The following HCRTR2 variants were observed in gnomAD, a reference collection of about 807,000 sequenced individuals.
HCRTR2 encodes hypocretin receptor 2.
HCRTR2 carries 22 observed loss-of-function variants against 49.0 expected under a neutral mutation model. The ratio of observed to expected loss-of-function variants is 0.45; its 90% CI spans 0.32 to 0.64. The LOEUF (loss-of-function observed/expected upper bound fraction) is 0.64. HCRTR2 is among the 30% of genes least tolerant of loss of function. The pLI is 0.04. For missense variants in HCRTR2, 491 were observed against 559.4 expected (o/e 0.88, Z 1.23); for synonymous variants, 236 against 205.3 (o/e 1.15, Z -1.28).
chr6:55,256,795 G>A (rs1209313207), intron 3 of HCRTR2, among the ~76,000 whole-genome samples: 1 of 152,058 alleles, frequency 6.6e-6, no homozygotes, highest in African/African-American at 2.4e-5. Flanking sequence ...TGAGAACTTA[G>A]TATATGTCAG....
intron 1 of HCRTR2, among the ~76,000 whole-genome samples, chr6:55,190,735 G>T (rs772546720): frequency 6.6e-6 from 1 of 152,038 alleles, no homozygotes; most frequent in Non-Finnish European, 1.5e-5. Context: ...ATCTTAAAAA[G>T]GATTACTTTG....
chr6:55,141,131 G>A (rs12199525), intron 1 of HCRTR2, among the ~76,000 whole-genome samples: 42,685 of 150,122 alleles, frequency 0.28, 6,760 homozygotes, highest in Non-Finnish European at 0.36. Flanking sequence ...TCAGGAGATC[G>A]AGACCATCCT....
At chr6:55,165,495 A>G (rs995773376) in intron 1 of HCRTR2, among the ~76,000 whole-genome samples, 3 of 152,002 alleles carry the variant, frequency 2.0e-5, no homozygotes, top group African/African-American at 7.2e-5. Context: ...AGACCTAAGT[A>G]TAAGAGCTAA....
intron 3 of HCRTR2, among the ~76,000 whole-genome samples, chr6:55,256,127 G>A (rs1178169274): frequency 6.6e-6 from 1 of 151,860 alleles, no homozygotes; most frequent in African/African-American, 2.4e-5. Context: ...ACAAATCTGG[G>A]CACAGGAAAG....
chr6:55,233,036 T>C (rs1766143722), intron 1 of HCRTR2, among the ~76,000 whole-genome samples: 1 of 152,010 alleles, frequency 6.6e-6, no homozygotes, highest in Admixed American at 6.6e-5. Context: ...AAAAGTGAGG[T>C]ACATTTTAAA....
intron 1 of HCRTR2, among the ~76,000 whole-genome samples, chr6:55,153,548 A>G (rs1173578897): frequency 6.6e-6 from 1 of 152,054 alleles, no homozygotes; most frequent in African/African-American, 2.4e-5. Flanking sequence ...TCATTGATGA[A>G]AACATCATTA....
At position 55,277,448 on chromosome 6, in the gene HCRTR2, G is replaced by A. The variant is rs1767098404; in HGVS notation, c.831G>A (p.Gly277=). The change falls in exon 5 of 7, where the codon GGG becomes GGA. Residue 277 remains glycine, a synonymous_variant. Transcript: ENST00000370862. ...KPLQPVSQPR[G]PGQPTKSRMS... Reference sequence around the variant, plus strand: ...TGCAGCCTGTTTCACAGCCTCGAGGGCCAGGACAGCCAACGAAGTCCCGGA... The same window carrying A: ...TGCAGCCTGTTTCACAGCCTCGAGGACCAGGACAGCCAACGAAGTCCCGGA... 6.2e-7 allele frequency: 1 copy of A among 1,614,064 alleles called. No homozygotes were observed. The highest frequency in any genetic ancestry group is 1.3e-5 in the African/African-American group (1 of 75,050).
At chr6:55,153,532 CATCA>C (rs908608560) in intron 1 of HCRTR2, among the ~76,000 whole-genome samples, 4 of 151,960 alleles carry the variant, frequency 2.6e-5, no homozygotes. Context: ...TCATTTATGC[CATCA>C]GTCATTGATG....
chr6:55,166,595 A>G (rs1008725593), intron 1 of HCRTR2, among the ~76,000 whole-genome samples: 8 of 152,112 alleles, frequency 5.3e-5, no homozygotes, highest in African/African-American at 1.7e-4. Flanking sequence ...ACCTTCATGC[A>G]TTGCCAGTGG....
rs116149420 is a variant in HCRTR2, at chr6:55,111,006, C to T, written c.-378+4461C>T. On this transcript the variant is annotated intron_variant, in intron 1 of 7. Transcript: ENST00000615358. ...CAAGTTTCAACAAATTTAAGAAAATCGAAATTATATCAAGTACTCGTTCAG... is the reference window on the plus strand; with the variant it reads ...CAAGTTTCAACAAATTTAAGAAAATTGAAATTATATCAAGTACTCGTTCAG... Among the ~76,000 whole-genome samples, 533 of 152,066 alleles carry T rather than the reference C, an allele frequency of 3.5e-3. 7 individuals are homozygous for T. Among genetic ancestry groups the T allele is most frequent in the African/African-American group, 0.012 (503 of 41,530 alleles).
intron 1 of HCRTR2, among the ~76,000 whole-genome samples, chr6:55,150,644 C>G (rs1222792934): frequency 6.6e-6 from 1 of 151,954 alleles, no homozygotes; most frequent in African/African-American, 2.4e-5. Context: ...TCTGGTTCAT[C>G]CACATCATTG....
At chr6:55,238,559 C>T (rs4074180) in intron 1 of HCRTR2, among the ~76,000 whole-genome samples, 1,928 of 152,270 alleles carry the variant, frequency 0.013, 45 homozygotes, top group African/African-American at 0.044. Context: ...TACACACACA[C>T]AGAAACACAC....
At chr6:55,277,960 T>G (rs1767110552) in intron 5 of HCRTR2, among the ~76,000 whole-genome samples, 1 of 152,184 alleles carries the variant, frequency 6.6e-6, no homozygotes, top group Non-Finnish European at 1.5e-5. Context: ...TTTCAAAACT[T>G]CGTTTCCAAA....
At chr6:55,183,844 G>A (rs1765172915) in intron 1 of HCRTR2, among the ~76,000 whole-genome samples, 1 of 151,976 alleles carries the variant, frequency 6.6e-6, no homozygotes, top group African/African-American at 2.4e-5. Context: ...AAGGAAAGAA[G>A]AGAAAGAAAG....
intron 1 of HCRTR2, among the ~76,000 whole-genome samples, chr6:55,112,605 T>G (rs2127611108): frequency 6.7e-6 from 1 of 149,094 alleles, no homozygotes; most frequent in African/African-American, 2.5e-5. Context: ...GAAATACTTC[T>G]ACAAGGAAAA....
chr6:55,207,790 G>C (rs1765627815), intron 1 of HCRTR2, among the ~76,000 whole-genome samples: 1 of 152,094 alleles, frequency 6.6e-6, no homozygotes, highest in Non-Finnish European at 1.5e-5. Flanking sequence ...CGATAAAATA[G>C]CACAACTCAC....
chr6:55,220,818 A>C (rs570317496), intron 1 of HCRTR2, among the ~76,000 whole-genome samples: 8 of 152,198 alleles, frequency 5.3e-5, no homozygotes, highest in Non-Finnish European at 1.0e-4. Flanking sequence ...TCTAAAAATC[A>C]CACAAGGAAA....
chr6:55,123,178 G>A (rs1008483273), intron 1 of HCRTR2, among the ~76,000 whole-genome samples: 2 of 151,808 alleles, frequency 1.3e-5, no homozygotes, highest in Admixed American at 6.6e-5. Flanking sequence ...AAAAGGAGTG[G>A]TGAGAGAGGG....
upstream of HCRTR2, chr6:55,174,371 C>G: frequency 1.7e-6 from 1 of 581,620 alleles, no homozygotes; most frequent in South Asian, 1.9e-5. Flanking sequence ...TGCCTATCTT[C>G]CCGGTGCAAC....
Sources: allele counts gnomAD v4.1 joint callset (sites outside exome capture counted in the v4.1 genomes callset), GRCh38; gene constraint gnomAD v4.1.1; transcripts MANE v1.5; gene names NCBI Gene and HGNC (gene_info 2026-07-23, HGNC 2026-07-21).